Variants in PTK7 observed in about 807,000 individuals in gnomAD.
The protein encoded by PTK7 is inactive tyrosine-protein kinase 7.
Under a neutral mutation model 116.6 loss-of-function variants are expected in PTK7, and 39 were observed. That is an observed-to-expected ratio of 0.33 (90% CI 0.26 to 0.44). PTK7 has a LOEUF of 0.44. Among genes scored for constraint, PTK7 ranks in the 20% least tolerant of loss-of-function variants. The pLI is 1.00. For missense variants in PTK7, 1,169 were observed against 1,425.6 expected (o/e 0.82, Z 2.90); for synonymous variants, 546 against 563.6 (o/e 0.97, Z 0.44).
intron 1 of PTK7, among the ~76,000 whole-genome samples, chr6:43,080,956 C>T (rs910818101): frequency 1.2e-5 from 1 of 82,436 alleles, no homozygotes; most frequent in African/African-American, 4.1e-5. Context: ...AAAAAAAATA[C>T]ACACACACAC....
intron 1 of PTK7, among the ~76,000 whole-genome samples, chr6:43,089,592 G>A (rs1766836481): frequency 1.3e-5 from 2 of 152,212 alleles, no homozygotes; most frequent in South Asian, 4.1e-4. Context: ...TATCAGTTTA[G>A]TTCCTTTAGC....
chr6:43,078,015 C>A (rs1766153742), intron 1 of PTK7, among the ~76,000 whole-genome samples: 1 of 152,216 alleles, frequency 6.6e-6, no homozygotes, highest in Non-Finnish European at 1.5e-5. Flanking sequence ...GGATGGGGGC[C>A]CAGCCATCTG....
At chr6:43,108,617 G>A (rs1272599046) in intron 1 of PTK7, among the ~76,000 whole-genome samples, 1 of 152,030 alleles carries the variant, frequency 6.6e-6, no homozygotes, top group South Asian at 2.1e-4. Flanking sequence ...GCCCAGGCTG[G>A]TCTCGAACTC....
At chr6:43,128,888 C>T in intron 1 of PTK7, 89 bp from the exon 2 acceptor site, 1 of 1,383,752 alleles carries the variant, frequency 7.2e-7, no homozygotes, top group Non-Finnish European at 9.9e-7. Context: ...GTGTACACAG[C>T]CCCTTTCCTC....
rs138516057 is a variant in PTK7, at chr6:43,118,675, ATATATATATATATG to A, written c.80-10294_80-10281del. 7.3e-3 allele frequency among the ~76,000 whole-genome samples: 845 copies of A among 115,414 alleles called. 11 individuals are homozygous for A. The highest frequency in any genetic ancestry group is 0.058 in the East Asian group (172 of 2,946). 75.7% of individuals were successfully genotyped at this position (115,414 alleles called of 152,430 possible). On this transcript the variant is annotated intron_variant, in intron 1 of 19. Coordinates refer to ENST00000230419, the MANE Select transcript of PTK7 (RefSeq NM_002821.5). ...TCTCTCTCTCTATATATATATATATATATATATATATATGTATATATGTATATATGTCTGTATAT... is the reference window on the plus strand; with the variant it reads ...TCTCTCTCTCTATATATATATATATATATATATGTATATATGTCTGTATAT...
chr6:43,094,390 G>C lies in PTK7; in HGVS notation c.79+17823G>C, dbSNP rs572820093. Among the ~76,000 whole-genome samples, 4 of 152,210 alleles carry C rather than the reference G, an allele frequency of 2.6e-5. No individual in the cohort carries two copies. The South Asian group carries it at 8.3e-4, about 32-fold the overall frequency. ...TTGCTTTCTGGTTCATTTGATGGTGGGGTGGTTTGGTTATGGGGTTTATAT... is the reference window on the plus strand; with the variant it reads ...TTGCTTTCTGGTTCATTTGATGGTGCGGTGGTTTGGTTATGGGGTTTATAT... On this transcript the variant is annotated intron_variant, in intron 1 of 19. Transcript: ENST00000230419.
chr6:43,159,799 A>G lies in PTK7; in HGVS notation c.2885A>G (p.His962Arg). 6.2e-7 allele frequency: 1 copy of G among 1,614,158 alleles called. No homozygotes were observed. Among genetic ancestry groups the G allele is most frequent in the Non-Finnish European group, 8.5e-7 (1 of 1,180,008 alleles). ...SKDVYNSEYYHFRQAWVPLRW... is the reference protein window; with the variant it reads ...SKDVYNSEYYRFRQAWVPLRW... ...CTTCTCTCCTGCAGTGAGTACTACC[A>G]CTTCCGCCAGGCCTGGGTGCCGCTG... Residue 962 changes from histidine (H) to arginine (R), a missense_variant, in exon 19 of 20, where the codon CAC becomes CGC. Around this residue, in one of 3 missense-constraint regions of PTK7, gnomAD observed 678 missense variants for 853.8 expected, o/e 0.79. Transcript: ENST00000230419.
chr6:43,156,959 CAAAA>C (rs1401409452), intron 17 of PTK7, among the ~76,000 whole-genome samples: 1 of 149,958 alleles, frequency 6.7e-6, no homozygotes, highest in Non-Finnish European at 1.5e-5. Context: ...AATCCAGGCA[CAAAA>C]GAGTATACAT....
intron 1 of PTK7, among the ~76,000 whole-genome samples, chr6:43,115,557 G>A (rs935636215): frequency 4.6e-5 from 7 of 152,108 alleles, no homozygotes; most frequent in African/African-American, 1.2e-4. Flanking sequence ...CCTTGTCTCC[G>A]GTGCATTGTT....
intron 1 of PTK7, among the ~76,000 whole-genome samples, chr6:43,125,629 C>T (rs997916319): frequency 5.9e-5 from 9 of 152,136 alleles, no homozygotes; most frequent in Middle Eastern, 3.2e-3. Flanking sequence ...AAGTGGAGAG[C>T]CTTCTAATCT....
rs1248574495 is a variant in PTK7, at chr6:43,141,419, CCAAA to C, written c.1619-246_1619-243del. ...GAGTAGGAACAGGGCCGATCTGGGC[CCAAA>C]CAGAGTCCGGTTTGGCAGACGTGGA... On this transcript the variant is annotated intron_variant, in intron 10 of 19. Transcript: ENST00000230419. This position sits in a 1 kb window ranked among gnomAD's most constrained non-coding sequence, Gnocchi z 4.9. 1.3e-5 allele frequency among the ~76,000 whole-genome samples: 2 copies of C among 151,982 alleles called. No individual in the cohort carries two copies. The highest frequency in any genetic ancestry group is 6.6e-5 in the Admixed American group (1 of 15,248).
chr6:43,134,389 A>G (rs953184282), intron 7 of PTK7, among the ~76,000 whole-genome samples: 1 of 152,096 alleles, frequency 6.6e-6, no homozygotes, highest in Non-Finnish European at 1.5e-5. Flanking sequence ...GTTCACACCT[A>G]TAATCCCAGT....
chr6:43,076,580 G>C lies in PTK7; in HGVS notation c.79+13G>C. On this transcript the variant is annotated intron_variant, in intron 1 of 19. Transcript: ENST00000230419. This position sits in a 1 kb window ranked among gnomAD's most constrained non-coding sequence, Gnocchi z 5.7. The stretch of plus-strand genomic sequence containing the variant: ...CCGCTGCTGGGCGGTGAGTACCCGA[G>C]AGTTGGGGGCACAGAGCTTGGGAAG... The C allele has an allele frequency of 6.4e-7, 1 of 1,574,476 alleles. No individual in the cohort carries two copies. The highest frequency in any genetic ancestry group is 8.6e-7 in the Non-Finnish European group (1 of 1,165,658).
intron 17 of PTK7, among the ~76,000 whole-genome samples, chr6:43,149,059 C>CAAAAAA (rs59033917): frequency 1.3e-4 from 9 of 69,850 alleles, no homozygotes; most frequent in Non-Finnish European, 2.1e-4. Flanking sequence ...GACTTTGTCT[C>CAAAAAA]AAAAAAAAAA....
At position 43,139,711 on chromosome 6, in the gene PTK7, T is replaced by G. The variant is rs1217398717; in HGVS notation, c.1618+186T>G. On this transcript the variant is annotated intron_variant, in intron 10 of 19. Transcript: ENST00000230419. The surrounding 1 kb of genome is among the most constrained non-coding windows in gnomAD (Gnocchi z 4.6). ...CACAGAAGAGGTCAGATTATAGCCT[T>G]GGACAACATGGAAGACAACTCAAGG... 6.6e-6 allele frequency among the ~76,000 whole-genome samples: 1 copy of G among 152,236 alleles called. No individual in the cohort carries two copies. The highest frequency in any genetic ancestry group is 1.5e-5 in the Non-Finnish European group (1 of 68,050).
intron 14 of PTK7, 80 bp from the exon 15 acceptor site, chr6:43,144,371 A>T (rs757102947): frequency 2.8e-5 from 44 of 1,568,990 alleles, no homozygotes; most frequent in Middle Eastern, 3.5e-4. Context: ...AGAGTGGAAG[A>T]CCAGGGGACA....
rs969279635 is a variant in PTK7, at chr6:43,079,267, A to G, written c.79+2700A>G. ...CGGATCATGAGGTCAGGAGATTGAG[A>G]CCATCCTGGCTAACACGGTGAAACC... is the stretch of plus-strand genomic sequence containing the variant. On this transcript the variant is annotated intron_variant, in intron 1 of 19. Coordinates refer to ENST00000230419, the MANE Select transcript of PTK7 (RefSeq NM_002821.5). Among the ~76,000 whole-genome samples the G allele has an allele frequency of 2.6e-5, 4 of 152,218 alleles. No homozygotes were observed. The East Asian group carries it at 7.7e-4, about 29-fold the overall frequency.
chr6:43,140,339 G>A (rs1770321694), intron 10 of PTK7, among the ~76,000 whole-genome samples: 1 of 151,894 alleles, frequency 6.6e-6, no homozygotes, highest in African/African-American at 2.4e-5. Context: ...TGTAGTGCCA[G>A]CTACTCGGGA....
chr6:43,133,848 T>C (rs1769862856), intron 7 of PTK7: 1 of 152,238 alleles, frequency 6.6e-6, no homozygotes, highest in South Asian at 2.1e-4. Flanking sequence ...GAAGTTGTGA[T>C]GCTAGTATTC....
Sources: gnomAD v4.1 joint callset for allele counts (sites outside exome capture counted in the v4.1 genomes callset) on GRCh38, gnomAD v4.1.1 for gene constraint, gnomAD v4.1.1 regional missense constraint, Gnocchi (gnomAD v3.1) non-coding constraint, MANE v1.5 for transcripts, NCBI Gene and HGNC (gene_info 2026-07-23, HGNC 2026-07-21) for gene names.